Variants in ZSWIM5 observed in about 807,000 individuals in gnomAD.
ZSWIM5 encodes the protein zinc finger SWIM domain-containing protein 5.
In ZSWIM5, 55 loss-of-function variants were observed where a neutral mutation model predicts 119.6. The observed-to-expected ratio is 0.46, with a 90% confidence interval of 0.37 to 0.58. The LOEUF is 0.58. Ranked by LOEUF, ZSWIM5 falls within the 20% of genes least tolerant of loss-of-function variation. The pLI is 0.00. For missense variants in ZSWIM5, 1,193 were observed against 1,512.8 expected (o/e 0.79, Z 3.51); for synonymous variants, 537 against 606.9 (o/e 0.88, Z 1.69).
chr1:45,119,942 C>T (rs992987553), intron 1 of ZSWIM5, among the ~76,000 whole-genome samples: 1 of 152,230 alleles, frequency 6.6e-6, no homozygotes, highest in Non-Finnish European at 1.5e-5. Flanking sequence ...TTCAGTTCTA[C>T]TTTGCACAAC....
Position 45,036,282 on chromosome 1 carries a change from G to A in ZSWIM5, c.1912C>T (p.Pro638Ser), listed in dbSNP as rs1314632972. 5 of 1,613,366 alleles carry A rather than the reference G, an allele frequency of 3.1e-6. No individual in the cohort carries two copies. Among genetic ancestry groups the A allele is most frequent in the Admixed American group, 1.7e-5 (1 of 59,996 alleles). Residue 638 changes from proline to serine, a missense_variant, in exon 9 of 14, where the codon CCC (proline) becomes TCC (serine). Coordinates refer to ENST00000359600, the MANE Select transcript of ZSWIM5 (RefSeq NM_020883.2). ...ACAGGTACATGCTGGTACACAGGGG[G>A]TCTGCTTTCATTCATATCTGAGGGC... is the stretch of plus-strand genomic sequence containing the variant. Reference protein sequence around the residue: ...LEMSDMNESRPPVYQHVPVAA... With the variant: ...LEMSDMNESRSPVYQHVPVAA...
At chr1:45,168,664 CAAAAA>C (rs1024002696) in intron 1 of ZSWIM5, among the ~76,000 whole-genome samples, 1 of 39,226 alleles carries the variant, frequency 2.5e-5, no homozygotes, top group Non-Finnish European at 5.6e-5. Context: ...GACTCCATCT[CAAAAA>C]AAAAAAAAAA....
intron 1 of ZSWIM5, among the ~76,000 whole-genome samples, chr1:45,190,631 T>C (rs1646085720): frequency 6.6e-6 from 1 of 152,204 alleles, no homozygotes; most frequent in Non-Finnish European, 1.5e-5. Context: ...TTTATTCCTC[T>C]AACTGCCAGG....
intron 4 of ZSWIM5, among the ~76,000 whole-genome samples, chr1:45,053,280 G>A (rs1645100896): frequency 1.3e-5 from 2 of 151,992 alleles, no homozygotes; most frequent in Non-Finnish European, 2.9e-5. Context: ...TAAAAAAGAG[G>A]ACCAAAAAAA....
intron 1 of ZSWIM5, among the ~76,000 whole-genome samples, chr1:45,199,691 A>G (rs1646147918): frequency 6.6e-6 from 1 of 152,178 alleles, no homozygotes; most frequent in South Asian, 2.1e-4. Context: ...AAAAACATGT[A>G]TCCAAGGAAC....
In ZSWIM5 at chr1:45,048,086, T is replaced by C. The variant is rs111845154; in HGVS notation, c.1432+2988A>G. Among the ~76,000 whole-genome samples, 304 of 132,980 alleles carry C rather than the reference T, an allele frequency of 2.3e-3. 8 individuals are homozygous for C. The highest frequency in any genetic ancestry group is 3.1e-3 in the Non-Finnish European group (196 of 63,396). The allele number at this position is 132,980 out of a possible 152,430, so 87.2% of individuals were successfully genotyped here. A position where few individuals can be genotyped will look rare whatever the true frequency, so the allele number is the denominator to read the frequency against. On this transcript the variant is annotated intron_variant, in intron 5 of 13. Transcript: ENST00000359600. ...CTTTCTTTCCTTTTCTTTTCTCTTTTTTTTTTTTTTTTTTTGAGACAGGGT... is the reference window on the plus strand; with the variant it reads ...CTTTCTTTCCTTTTCTTTTCTCTTTCTTTTTTTTTTTTTTTGAGACAGGGT...
At chr1:45,071,527 C>G (rs1645222465) in intron 2 of ZSWIM5, among the ~76,000 whole-genome samples, 1 of 139,988 alleles carries the variant, frequency 7.1e-6, no homozygotes, top group Non-Finnish European at 1.5e-5. Flanking sequence ...ATGATCATGG[C>G]TCACTGCAGC....
At chr1:45,048,591 T>C (rs1645071032) in intron 5 of ZSWIM5, among the ~76,000 whole-genome samples, 1 of 152,060 alleles carries the variant, frequency 6.6e-6, no homozygotes, top group South Asian at 2.1e-4. Context: ...AAAGAATTAT[T>C]GAAACTGGGA....
intron 1 of ZSWIM5, among the ~76,000 whole-genome samples, chr1:45,119,504 T>G (rs1021405750): frequency 5.3e-5 from 8 of 152,242 alleles, no homozygotes; most frequent in African/African-American, 1.7e-4. Context: ...TGCAGCCTTA[T>G]TTCAAGTGCT....
intron 1 of ZSWIM5, among the ~76,000 whole-genome samples, chr1:45,103,986 T>C (rs1645455015): frequency 6.6e-6 from 1 of 152,234 alleles, no homozygotes; most frequent in Non-Finnish European, 1.5e-5. Context: ...ATGTGGTTTA[T>C]GAAAAGAATA....
intron 2 of ZSWIM5, among the ~76,000 whole-genome samples, chr1:45,083,334 T>C (rs1482475120): frequency 1.3e-5 from 2 of 152,134 alleles, no homozygotes; most frequent in African/African-American, 4.8e-5. Context: ...CATTGCAGCC[T>C]TGACATCCTG....
At chr1:45,159,656 T>TGC (rs1645851438) in intron 1 of ZSWIM5, among the ~76,000 whole-genome samples, 1 of 152,120 alleles carries the variant, frequency 6.6e-6, no homozygotes, top group Non-Finnish European at 1.5e-5. Flanking sequence ...TGGCACGATC[T>TGC]AGGCTCACTG....
intron 1 of ZSWIM5, among the ~76,000 whole-genome samples, chr1:45,097,977 G>C (rs747978897): frequency 6.6e-5 from 10 of 152,296 alleles, no homozygotes; most frequent in Admixed American, 3.3e-4. Flanking sequence ...TAAGGGATGA[G>C]TTTTTGAGGA....
At chr1:45,183,609 T>C (rs1163602082) in intron 1 of ZSWIM5, among the ~76,000 whole-genome samples, 1 of 152,194 alleles carries the variant, frequency 6.6e-6, no homozygotes, top group Non-Finnish European at 1.5e-5. Flanking sequence ...CATCAGAGAA[T>C]ACTACAAACA....
At chr1:45,133,971 T>A (rs1205975248) in intron 1 of ZSWIM5, among the ~76,000 whole-genome samples, 2 of 152,152 alleles carry the variant, frequency 1.3e-5, no homozygotes, top group South Asian at 2.1e-4. Context: ...TGGGTCTATA[T>A]CTCTGTTTTG....
intron 1 of ZSWIM5, among the ~76,000 whole-genome samples, chr1:45,131,763 A>C (rs1645658520): frequency 6.6e-6 from 1 of 151,018 alleles, no homozygotes; most frequent in Non-Finnish European, 1.5e-5. Flanking sequence ...ATCACAATTA[A>C]TTAATGATGA....
At chr1:45,021,892 T>G (rs1644889810) in intron 11 of ZSWIM5, among the ~76,000 whole-genome samples, 1 of 151,438 alleles carries the variant, frequency 6.6e-6, no homozygotes. Context: ...CATGGTGGCG[T>G]GAGCCTGTAG....
At position 45,135,612 on chromosome 1, in the gene ZSWIM5, T is replaced by C. The variant is rs1291869209; in HGVS notation, c.596-47375A>G. Among the ~76,000 whole-genome samples the C allele has an allele frequency of 2.6e-5, 4 of 152,326 alleles. No individual in the cohort carries two copies. The East Asian group carries it at 7.7e-4, about 29-fold the overall frequency. On this transcript the variant is annotated intron_variant, in intron 1 of 13. Coordinates refer to ENST00000359600, the MANE Select transcript of ZSWIM5 (RefSeq NM_020883.2). ...CATTTCTTGATTACTTCTGAAAAAG[T>C]CTTTCATTTTCAAAGAGACACATGT...
chr1:45,193,299 A>C (rs1207014277), intron 1 of ZSWIM5, among the ~76,000 whole-genome samples: 1 of 152,212 alleles, frequency 6.6e-6, no homozygotes, highest in Non-Finnish European at 1.5e-5. Context: ...GTTGCTTTAA[A>C]CAAATTTTAA....
Sources: allele counts gnomAD v4.1 joint callset (sites outside exome capture counted in the v4.1 genomes callset), GRCh38; gene constraint gnomAD v4.1.1; transcripts MANE v1.5; gene names NCBI Gene and HGNC (gene_info 2026-07-23, HGNC 2026-07-21).